TRAPPC8: variants seen among roughly 807,000 people sequenced by gnomAD.
TRAPPC8 encodes general sporulation gene 1 homolog.
A neutral mutation model predicts 174.3 loss-of-function variants in TRAPPC8; 54 were observed. The observed-to-expected ratio is 0.31, with a 90% CI of 0.25 to 0.39. The LOEUF is 0.39. Among genes scored for constraint, TRAPPC8 ranks in the 10% least tolerant of loss-of-function variants. The pLI is 1.00. For synonymous variants in TRAPPC8, 630 were observed against 579.9 expected, an observed-to-expected ratio of 1.09 and a Z score of -1.24; for missense variants, 1,531 against 1,699.1, an observed-to-expected ratio of 0.90 and a Z score of 1.74.
At chr18:31,915,473 G>T (rs1461446324) in intron 4 of TRAPPC8, among the ~76,000 whole-genome samples, 1 of 130,268 alleles carries the variant, frequency 7.7e-6, no homozygotes, top group Non-Finnish European at 1.7e-5. Context: ...AAAAAAAGGG[G>T]GGGGGGGCGC....
chr18:31,883,915 G>A (rs1180523808), intron 12 of TRAPPC8, among the ~76,000 whole-genome samples: 1 of 152,304 alleles, frequency 6.6e-6, no homozygotes, highest in Non-Finnish European at 1.5e-5. Flanking sequence ...GAGGTCGAGC[G>A]TGGTGACTTA....
intron 1 of TRAPPC8, among the ~76,000 whole-genome samples, chr18:31,937,819 TCAGCCTCCCGAGCAGCTGGGA>T (rs1347480828): frequency 6.6e-6 from 1 of 152,082 alleles, no homozygotes; most frequent in Non-Finnish European, 1.5e-5. Context: ...TTCTCCTGCC[TCAGCCTCCCGAGCAGCTGGGA>T]CTACAAGCGC....
chr18:31,942,522 C>T, intron 1 of TRAPPC8, 86 bp downstream of exon 1: 2 of 1,413,156 alleles, frequency 1.4e-6, no homozygotes, highest in Non-Finnish European at 1.9e-6. Flanking sequence ...GTAAACACTG[C>T]CCTTCTCTTC....
At chr18:31,870,311 T>TA in intron 16 of TRAPPC8, 61 bp downstream of exon 16, 1 of 1,472,400 alleles carries the variant, frequency 6.8e-7, no homozygotes, top group Non-Finnish European at 9.2e-7. Flanking sequence ...ATTGAAATGT[T>TA]ACTACAGCAT....
Position 31,873,442 on chromosome 18 carries a change from G to A in TRAPPC8, c.2050C>T (p.Arg684Ter). The change falls in exon 14 of 29, where the codon CGA becomes TGA. Residue 684 changes from arginine to a stop codon, truncating the protein, a stop_gained. Coordinates refer to ENST00000283351, the MANE Select transcript of TRAPPC8 (RefSeq NM_014939.5). LOFTEE classifies it high-confidence loss of function. ...ATRVFFGHDR[R>*]PADGEKQAAT... ...AAACTTTACTAACCATCCGCTGGTC[G>A]TCTGTCATGGCCAAAAAAAACCCGT... 1 of 1,612,238 alleles carries A rather than the reference G, an allele frequency of 6.2e-7. No individual in the cohort carries two copies. The highest frequency in any genetic ancestry group is 8.5e-7 in the Non-Finnish European group (1 of 1,179,098).
intron 19 of TRAPPC8, among the ~76,000 whole-genome samples, chr18:31,864,396 C>A (rs559227834): frequency 6.6e-6 from 1 of 151,772 alleles, no homozygotes; most frequent in African/African-American, 2.4e-5. Context: ...AGTATTTTTC[C>A]CAATTTCCAT....
intron 2 of TRAPPC8, among the ~76,000 whole-genome samples, chr18:31,920,945 CAAAAAA>C (rs71177808): frequency 1.4e-4 from 11 of 76,900 alleles, no homozygotes; most frequent in Admixed American, 3.5e-4. Flanking sequence ...CACTCCGTCT[CAAAAAA>C]AAAAAAAAAA....
Position 31,908,716 on chromosome 18 carries a change from A to C in TRAPPC8, c.1122+38T>G, listed in dbSNP as rs1412319795. 6.7e-6 allele frequency: 10 copies of C among 1,482,902 alleles called. No individual in the cohort carries two copies. In the Admixed American group the frequency reaches 7.0e-5, roughly 10 times the overall value. The allele number at this position is 1,482,902 out of a possible 1,614,324, so 91.9% of individuals were successfully genotyped here. ...TAATTCTTAAATTTACTATTTACTT[A>C]AATTTTTAAAATACTAATCCAAAAA... On this transcript the variant is annotated intron_variant, in intron 7 of 28. Transcript: ENST00000283351.
chr18:31,907,334 T>TG (rs2036705290), intron 9 of TRAPPC8, 126 bp downstream of exon 9: 1 of 872,332 alleles, frequency 1.1e-6, no homozygotes, highest in Non-Finnish European at 1.6e-6. Context: ...GAATTAACAA[T>TG]CTGTAAAGTA....
At chr18:31,916,846 C>CAAAAAAAAAAAAAAAAAAA in intron 3 of TRAPPC8, among the ~76,000 whole-genome samples, 1 of 126,910 alleles carries the variant, frequency 7.9e-6, no homozygotes, top group Non-Finnish European at 1.6e-5. Context: ...ATTTTCACAG[C>CAAAAAAAAAAAAAAAAAAA]AAAAAAAAAA....
At chr18:31,861,716 T>C (rs2034330114) in intron 19 of TRAPPC8, among the ~76,000 whole-genome samples, 3 of 151,982 alleles carry the variant, frequency 2.0e-5, no homozygotes, top group Admixed American at 2.0e-4. Context: ...GTGGGTGGAC[T>C]GCTTGAGCTT....
chr18:31,870,373 A>G lies in TRAPPC8; in HGVS notation c.2387T>C (p.Leu796Pro). The G allele has an allele frequency of 6.2e-7, 1 of 1,604,992 alleles. No individual in the cohort carries two copies. The highest frequency in any genetic ancestry group is 8.5e-7 in the Non-Finnish European group (1 of 1,176,658). Residue 796 changes from leucine (L) to proline (P), a missense_variant and splice_region_variant, in exon 16 of 29, where the codon CTA becomes CCA. Leu to Pro is a moderately conservative substitution (Grantham distance 98). Transcript: ENST00000283351. ...SGKDNEEVKQ[L>P]VTSEPEMIGA... The stretch of plus-strand genomic sequence containing the variant: ...TACAAATACCTTTTAATAACTTACT[A>G]GTTGTTTAACTTCTTCATTATCCTT...
At chr18:31,836,857 G>A (rs1232233582) in intron 27 of TRAPPC8, among the ~76,000 whole-genome samples, 3 of 150,312 alleles carry the variant, frequency 2.0e-5, no homozygotes, top group Non-Finnish European at 4.4e-5. Flanking sequence ...CGCCTCCTGG[G>A]TTCATGCCAT....
chr18:31,855,436 T>A (rs2033948742), intron 21 of TRAPPC8, among the ~76,000 whole-genome samples: 1 of 152,152 alleles, frequency 6.6e-6, no homozygotes, highest in Non-Finnish European at 1.5e-5. Context: ...AGCATATCAG[T>A]GTGTACCATA....
At chr18:31,898,790 T>C (rs947685106) in intron 10 of TRAPPC8, among the ~76,000 whole-genome samples, 6 of 152,290 alleles carry the variant, frequency 3.9e-5, no homozygotes, top group African/African-American at 1.4e-4. Context: ...TAAAAACAAA[T>C]GAAAACATTC....
intron 27 of TRAPPC8, among the ~76,000 whole-genome samples, chr18:31,838,073 G>A (rs118049013): frequency 4.0e-5 from 6 of 151,768 alleles, no homozygotes; most frequent in Non-Finnish European, 8.8e-5. Context: ...GGGCTCAAGC[G>A]ATCCTCCTGC....
chr18:31,858,205 T>C lies in TRAPPC8; in HGVS notation c.2746-223A>G, dbSNP rs75634466. Among the ~76,000 whole-genome samples, 1,357 of 152,124 alleles carry C rather than the reference T, an allele frequency of 8.9e-3. 20 individuals are homozygous for C. The highest frequency in any genetic ancestry group is 0.03 in the African/African-American group (1,249 of 41,484). Reference sequence around the variant, plus strand: ...CCACTCAGTAGTGATTCTAGACTTATGAATTAAAGGTATACTATCAGTACA... The same window carrying C: ...CCACTCAGTAGTGATTCTAGACTTACGAATTAAAGGTATACTATCAGTACA... On this transcript the variant is annotated intron_variant, in intron 19 of 28. Coordinates refer to ENST00000283351, the MANE Select transcript of TRAPPC8 (RefSeq NM_014939.5).
chr18:31,865,348 T>A (rs1173640788), intron 18 of TRAPPC8, among the ~76,000 whole-genome samples: 2 of 152,034 alleles, frequency 1.3e-5, no homozygotes, highest in African/African-American at 4.8e-5. Flanking sequence ...AAAGCTTCCA[T>A]GTAGTGCATG....
chr18:31,911,858 C>A (rs561033279), intron 5 of TRAPPC8, among the ~76,000 whole-genome samples: 21 of 137,532 alleles, frequency 1.5e-4, no homozygotes, highest in Non-Finnish European at 2.4e-4. Flanking sequence ...GGCGACAGAG[C>A]GAGATCCTGT....
Sources: allele counts gnomAD v4.1 joint callset (sites outside exome capture counted in the v4.1 genomes callset), GRCh38; gene constraint gnomAD v4.1.1; transcripts MANE v1.5; gene names NCBI Gene and HGNC (gene_info 2026-07-23, HGNC 2026-07-21).